The following FBXW10B variants were observed in gnomAD, a reference collection of about 807,000 sequenced individuals.
FBXW10B encodes F-box and WD repeat domain containing protein 10B.
the FBXW10B span, among the ~76,000 whole-genome samples, chr17:15,615,313 T>C: frequency 4.6e-5 from 6 of 130,688 alleles, no homozygotes; most frequent in Admixed American, 8.0e-5. Flanking sequence ...TGGTTGCATA[T>C]TGGCTTTCTT....
At chr17:15,595,026 C>G in the FBXW10B span, 8 of 1,327,950 alleles carry the variant, frequency 6.0e-6, no homozygotes, top group Non-Finnish European at 8.2e-6. Flanking sequence ...GGTACCTGAG[C>G]TAATCCTGCT....
At chr17:15,601,633 C>G in the FBXW10B span, among the ~76,000 whole-genome samples, 2 of 152,004 alleles carry the variant, frequency 1.3e-5, no homozygotes, top group African/African-American at 4.8e-5. Context: ...AGTAAAAATA[C>G]ACAGGACTTT....
the FBXW10B span, among the ~76,000 whole-genome samples, chr17:15,581,005 C>T: frequency 3.6e-3 from 555 of 152,254 alleles, 7 homozygotes; most frequent in Admixed American, 0.015. Context: ...GATCACACGG[C>T]TAAACAAGTA....
chr17:15,589,553 T>C, the FBXW10B span, among the ~76,000 whole-genome samples: 53 of 151,798 alleles, frequency 3.5e-4, no homozygotes, highest in African/African-American at 1.2e-3. Context: ...TATTTTTATA[T>C]GATTTGCTTA....
At chr17:15,602,261 A>G in the FBXW10B span, among the ~76,000 whole-genome samples, 1 of 152,200 alleles carries the variant, frequency 6.6e-6, no homozygotes, top group African/African-American at 2.4e-5. Context: ...ACTAGATCAG[A>G]GAGCTCAGGG....
At chr17:15,585,031 C>T in the FBXW10B span, among the ~76,000 whole-genome samples, 1 of 144,518 alleles carries the variant, frequency 6.9e-6, no homozygotes, top group Non-Finnish European at 1.5e-5. Flanking sequence ...TTATCAGCCA[C>T]ATTTTTCTCC....
the FBXW10B span, among the ~76,000 whole-genome samples, chr17:15,610,558 C>A: frequency 2.0e-5 from 3 of 152,212 alleles, no homozygotes; most frequent in Admixed American, 6.5e-5. Context: ...ACCCAAGAGA[C>A]TTTCCCCCCA....
the FBXW10B span, among the ~76,000 whole-genome samples, chr17:15,604,091 AC>A: frequency 2.8e-4 from 41 of 149,056 alleles, 3 homozygotes; most frequent in South Asian, 8.7e-4. Context: ...AAAAAAAAAA[AC>A]AAAAACTAGA....
chr17:15,575,314 G>A, the FBXW10B span, among the ~76,000 whole-genome samples: 55 of 140,524 alleles, frequency 3.9e-4, no homozygotes, highest in African/African-American at 1.7e-3. Context: ...CCTGAATGGA[G>A]GTTGTGGGGC....
chr17:15,613,792 G>T, the FBXW10B span: 3 of 1,611,266 alleles, frequency 1.9e-6, no homozygotes, highest in Non-Finnish European at 2.5e-6. Context: ...TGGGCCAAGA[G>T]GGGAGGTGTC....
At chr17:15,611,774 C>T in the FBXW10B span, among the ~76,000 whole-genome samples, 2 of 151,670 alleles carry the variant, frequency 1.3e-5, no homozygotes, top group African/African-American at 4.8e-5. Context: ...GGTGGGGGGG[C>T]GCAGAAATCT....
chr17:15,590,507 TG>T, the FBXW10B span, among the ~76,000 whole-genome samples: 1 of 146,720 alleles, frequency 6.8e-6, no homozygotes, highest in South Asian at 2.2e-4. Context: ...TTGGCATCCC[TG>T]GGCTAGATGA....
chr17:15,594,684 T>C, the FBXW10B span: 12 of 1,562,786 alleles, frequency 7.7e-6, no homozygotes, highest in African/African-American at 4.1e-5. Context: ...ATGATTGCAG[T>C]CTAGGCTATG....
the FBXW10B span, among the ~76,000 whole-genome samples, chr17:15,602,747 C>T: frequency 1.7e-5 from 2 of 118,628 alleles, 1 homozygote; most frequent in Non-Finnish European, 3.3e-5. Flanking sequence ...CCTGCCTCAG[C>T]CTCCCGAGTA....
At chr17:15,593,639 T>C in the FBXW10B span, 1 of 1,135,760 alleles carries the variant, frequency 8.8e-7, no homozygotes. Context: ...TTTTTTTTTT[T>C]TTTTTTGAGA....
the FBXW10B span, chr17:15,589,319 A>G: frequency 6.6e-7 from 1 of 1,517,508 alleles, no homozygotes; most frequent in African/African-American, 1.4e-5. Flanking sequence ...CTGGGAGAAA[A>G]AAAAGGAAGC....
chr17:15,618,098 G>T, the FBXW10B span, among the ~76,000 whole-genome samples: 1 of 152,204 alleles, frequency 6.6e-6, no homozygotes, highest in African/African-American at 2.4e-5. Context: ...GGGAGGCCGA[G>T]GCAGGCGGAT....
chr17:15,582,826 C>G, the FBXW10B span, among the ~76,000 whole-genome samples: 1 of 151,954 alleles, frequency 6.6e-6, no homozygotes, highest in African/African-American at 2.4e-5. Context: ...GAGGAGGGCC[C>G]GCTCTCTGCT....
At chr17:15,569,836 A>G in the FBXW10B span, among the ~76,000 whole-genome samples, 2 of 151,972 alleles carry the variant, frequency 1.3e-5, no homozygotes, top group Non-Finnish European at 2.9e-5. Flanking sequence ...TGGCCTCCCA[A>G]AGTGCTGGGA....
Sources: allele counts gnomAD v4.1 joint callset (sites outside exome capture counted in the v4.1 genomes callset), GRCh38; gene constraint gnomAD v4.1.1; transcripts MANE v1.5; gene names NCBI Gene and HGNC (gene_info 2026-07-23, HGNC 2026-07-21).